Variants in DAPP1 observed in about 807,000 individuals in gnomAD.
The protein encoded by DAPP1 is dual adapter for phosphotyrosine and 3-phosphotyrosine and 3-phosphoinositide.
Under a neutral mutation model 41.5 loss-of-function variants are expected in DAPP1, and 20 were observed. The ratio of observed to expected loss-of-function variants is 0.48; its 90% CI spans 0.34 to 0.70. The LOEUF (loss-of-function observed/expected upper bound fraction) is 0.70, where lower values mean the gene tolerates loss of function less well. Among genes scored for constraint, DAPP1 ranks in the 30% least tolerant of loss-of-function variants. The pLI, the probability that DAPP1 is intolerant of heterozygous loss-of-function variation, is 0.01. For synonymous variants in DAPP1, 113 were observed against 116.2 expected, an observed-to-expected ratio of 0.97 and a Z score of 0.18; for missense variants, 233 against 333.4, an observed-to-expected ratio of 0.70 and a Z score of 2.35.
At chr4:99,842,852 C>CTTT (rs1297681743) in intron 3 of DAPP1, among the ~76,000 whole-genome samples, 13 of 137,654 alleles carry the variant, frequency 9.4e-5, no homozygotes, top group Non-Finnish European at 1.4e-4. Context: ...ATATTTCTTT[C>CTTT]TTTTTTTTTT....
rs1723959089 is a variant in DAPP1, at chr4:99,854,000, T to A, written c.489+652T>A. 4.6e-5 allele frequency among the ~76,000 whole-genome samples: 7 copies of A among 152,294 alleles called. No individual in the cohort carries two copies. In the South Asian group the frequency reaches 1.4e-3, roughly 32 times the overall value. On this transcript the variant is annotated intron_variant, in intron 4 of 8. Transcript: ENST00000512369. Reference sequence around the variant, plus strand: ...ATTTTCTTATATTAAGAAAATATATTTTTTTAAATATTTCAACTATCTATG... The same window carrying A: ...ATTTTCTTATATTAAGAAAATATATATTTTTAAATATTTCAACTATCTATG...
chr4:99,830,714 C>T (rs986882374), intron 1 of DAPP1, among the ~76,000 whole-genome samples: 4 of 152,160 alleles, frequency 2.6e-5, no homozygotes, highest in East Asian at 1.9e-4. Context: ...TGAACAACTG[C>T]GGATCCAAAC....
chr4:99,824,083 G>T (rs1037223087), intron 1 of DAPP1, among the ~76,000 whole-genome samples: 2 of 152,172 alleles, frequency 1.3e-5, no homozygotes, highest in Non-Finnish European at 2.9e-5. Flanking sequence ...TATACAAGTT[G>T]ATTGCATGTT....
At chr4:99,859,950 CCA>C (rs1173165333) in intron 4 of DAPP1, among the ~76,000 whole-genome samples, 1 of 152,206 alleles carries the variant, frequency 6.6e-6, no homozygotes, top group Non-Finnish European at 1.5e-5. Context: ...TGAAAGCCCT[CCA>C]CACACACATC....
At chr4:99,834,386 T>C (rs1219231525) in intron 1 of DAPP1, among the ~76,000 whole-genome samples, 1 of 151,514 alleles carries the variant, frequency 6.6e-6, no homozygotes, top group Admixed American at 6.6e-5. Flanking sequence ...TTTTGGACAA[T>C]TTGAATTTTT....
At chr4:99,856,708 T>C (rs1167154248) in intron 4 of DAPP1, among the ~76,000 whole-genome samples, 6 of 152,200 alleles carry the variant, frequency 3.9e-5, no homozygotes, top group Admixed American at 3.3e-4. Flanking sequence ...TGCAGTTTCA[T>C]GTATGCTGAT....
chr4:99,840,689 CTT>C (rs1056267644), intron 3 of DAPP1, among the ~76,000 whole-genome samples: 5 of 152,052 alleles, frequency 3.3e-5, no homozygotes, highest in Non-Finnish European at 4.4e-5. Context: ...GTAAAAATGA[CTT>C]TTTGATTACT....
At chr4:99,830,304 A>G (rs1029887121) in intron 1 of DAPP1, among the ~76,000 whole-genome samples, 11 of 152,098 alleles carry the variant, frequency 7.2e-5, no homozygotes, top group African/African-American at 2.4e-4. Context: ...AATTGCGTGA[A>G]CCCAGGAGGC....
intron 1 of DAPP1, among the ~76,000 whole-genome samples, chr4:99,823,812 G>C (rs1722850947): frequency 6.6e-6 from 1 of 152,104 alleles, no homozygotes; most frequent in Non-Finnish European, 1.5e-5. Context: ...TCAGATTGGT[G>C]AGTAGGAAAC....
chr4:99,863,219 T>G lies in DAPP1; in HGVS notation c.600+147T>G, dbSNP rs1175147900. On this transcript the variant is annotated intron_variant, in intron 6 of 8. Coordinates refer to ENST00000512369, the MANE Select transcript of DAPP1 (RefSeq NM_014395.3). Reference sequence around the variant, plus strand: ...AGATATGAATTCTTGATTCCTGAAATGAGCAGAGTTATTTTGCAAAGATGA... The same window carrying G: ...AGATATGAATTCTTGATTCCTGAAAGGAGCAGAGTTATTTTGCAAAGATGA... 106 of 602,530 alleles carry G rather than the reference T, an allele frequency of 1.8e-4. 1 individual carries two copies. Among genetic ancestry groups the G allele is most frequent in the Non-Finnish European group, 1.4e-5 (5 of 353,198 alleles). The allele number at this position is 602,530 out of a possible 1,614,324, so 37.3% of individuals were successfully genotyped here.
At chr4:99,823,841 A>G (rs539355204) in intron 1 of DAPP1, among the ~76,000 whole-genome samples, 4 of 152,192 alleles carry the variant, frequency 2.6e-5, no homozygotes, top group Admixed American at 2.6e-4. Flanking sequence ...TAACCCGGGA[A>G]TAGTCAGGAA....
At chr4:99,871,881 A>T (rs983475182), downstream of DAPP1, among the ~76,000 whole-genome samples, 1 of 152,204 alleles carries the variant, frequency 6.6e-6, no homozygotes, top group Non-Finnish European at 1.5e-5. Context: ...AGACAATGAG[A>T]TTGTAAGTTG....
intron 3 of DAPP1, 98 bp downstream of exon 3, chr4:99,840,520 T>C (rs1723459615): frequency 1.5e-6 from 2 of 1,342,104 alleles, no homozygotes; most frequent in African/African-American, 1.5e-5. Context: ...TTGTCATTTA[T>C]ATTTCAGCAT....
At chr4:99,845,141 G>C (rs1222615587) in intron 3 of DAPP1, among the ~76,000 whole-genome samples, 1 of 152,264 alleles carries the variant, frequency 6.6e-6, no homozygotes, top group East Asian at 1.9e-4. Flanking sequence ...TGCATACAAC[G>C]GTCCTATTTT....
At chr4:99,866,447 A>G in intron 8 of DAPP1, 1 of 716,818 alleles carries the variant, frequency 1.4e-6, no homozygotes, top group Non-Finnish European at 2.5e-6. Context: ...AAGGTCTGAC[A>G]GAGGAAAGCT....
chr4:99,857,137 C>A (rs996032810), intron 4 of DAPP1, among the ~76,000 whole-genome samples: 5 of 152,136 alleles, frequency 3.3e-5, no homozygotes, highest in African/African-American at 7.2e-5. Context: ...AATTATCTTG[C>A]CCAAAATCTC....
intron 3 of DAPP1, among the ~76,000 whole-genome samples, chr4:99,852,874 C>T (rs925780958): frequency 1.3e-5 from 2 of 152,108 alleles, no homozygotes; most frequent in Non-Finnish European, 2.9e-5. Flanking sequence ...TGAAAGCTGT[C>T]CTGAATCCTT....
chr4:99,852,510 G>A (rs1039639562), intron 3 of DAPP1, among the ~76,000 whole-genome samples: 4 of 152,092 alleles, frequency 2.6e-5, no homozygotes, highest in Non-Finnish European at 5.9e-5. Flanking sequence ...GGACCCCCTG[G>A]GCTGAGCCCT....
At chr4:99,827,556 A>AAAG (rs1271845686) in intron 1 of DAPP1, among the ~76,000 whole-genome samples, 2 of 150,436 alleles carry the variant, frequency 1.3e-5, no homozygotes, top group East Asian at 3.9e-4. Context: ...CAAAAAAACA[A>AAAG]AACAAAAAAC....
Sources: allele counts gnomAD v4.1 joint callset (sites outside exome capture counted in the v4.1 genomes callset), GRCh38; gene constraint gnomAD v4.1.1; transcripts MANE v1.5; gene names NCBI Gene and HGNC (gene_info 2026-07-23, HGNC 2026-07-21).